TASP1: variants seen among roughly 807,000 people sequenced by gnomAD.
TASP1 encodes taspase 1.
In TASP1, 16 loss-of-function variants were observed where a neutral mutation model predicts 56.6. That is an observed-to-expected ratio of 0.28 (90% confidence interval 0.19 to 0.43). TASP1 has a LOEUF of 0.43. Ranked by LOEUF, TASP1 falls within the 20% of genes least tolerant of loss-of-function variation. The probability of loss-of-function intolerance (pLI) is 1.00; values close to 1 mark genes in which losing one functional copy is unlikely to be tolerated. For synonymous variants in TASP1, 179 were observed against 184.2 expected, an observed-to-expected ratio of 0.97 and a Z score of 0.23; for missense variants, 393 against 511.6, an observed-to-expected ratio of 0.77 and a Z score of 2.24.
At chr20:13,359,094 C>T in the TASP1 span, among the ~76,000 whole-genome samples, 15 of 148,362 alleles carry the variant, frequency 1.0e-4, no homozygotes, top group Non-Finnish European at 2.1e-4. Flanking sequence ...AACCTCTTAT[C>T]TCTGCACCCC....
Position 13,630,090 on chromosome 20 carries a change from A to T in TASP1, c.-12T>A. The T allele has an allele frequency of 3.1e-6, 5 of 1,609,982 alleles. No homozygotes were observed. Among genetic ancestry groups the T allele is most frequent in the Non-Finnish European group, 3.4e-6 (4 of 1,178,806 alleles). ...TTCTCCATGGTCATTCTCCAAGATT[A>T]CCATCTTCTACTGAGAAAGGGGCAT... On this transcript the variant is annotated 5_prime_UTR_variant, in exon 2 of 14. It removes the in-frame stop codon of an upstream open reading frame in the 5' UTR. Coordinates refer to ENST00000337743, the MANE Select transcript of TASP1 (RefSeq NM_017714.3).
At chr20:13,442,281 GACACAGACACAGAC>G (rs1338724876) in intron 11 of TASP1, among the ~76,000 whole-genome samples, 1 of 149,316 alleles carries the variant, frequency 6.7e-6, no homozygotes, top group African/African-American at 2.5e-5. Context: ...CAGACACACA[GACACAGACACAGAC>G]ACACACACAC....
chr20:13,140,348 C>T, the TASP1 span, among the ~76,000 whole-genome samples: 2 of 152,070 alleles, frequency 1.3e-5, no homozygotes, highest in Admixed American at 1.3e-4. Flanking sequence ...CTTTTGGGAC[C>T]ATAGACGAAA....
At chr20:13,495,660 A>G (rs538032815) in intron 10 of TASP1, among the ~76,000 whole-genome samples, 2 of 152,314 alleles carry the variant, frequency 1.3e-5, no homozygotes, top group East Asian at 3.9e-4. Context: ...CAAAAGACAA[A>G]TAGACAATAT....
the TASP1 span, chr20:13,298,958 G>A: frequency 1.2e-6 from 2 of 1,613,530 alleles, no homozygotes; most frequent in Non-Finnish European, 8.5e-7. Flanking sequence ...ACAGCTGTGA[G>A]CGCTGGATGA....
intron 2 of TASP1, 37 bp downstream of exon 2, chr20:13,629,897 C>T (rs370134167): frequency 2.9e-5 from 47 of 1,609,464 alleles, no homozygotes; most frequent in Non-Finnish European, 3.7e-5. Flanking sequence ...GAAAAATCAA[C>T]ATTATTGGCA....
chr20:13,603,767 C>T (rs1261383611), intron 4 of TASP1, among the ~76,000 whole-genome samples: 1 of 152,180 alleles, frequency 6.6e-6, no homozygotes, highest in African/African-American at 2.4e-5. Context: ...TAAAATGTCT[C>T]TTATTGATCA....
chr20:13,201,729 A>C, the TASP1 span, among the ~76,000 whole-genome samples: 1 of 152,008 alleles, frequency 6.6e-6, no homozygotes, highest in African/African-American at 2.4e-5. Flanking sequence ...AAGCAGTAAA[A>C]AATTGTGGGC....
the TASP1 span, among the ~76,000 whole-genome samples, chr20:13,215,201 T>C: frequency 6.6e-6 from 1 of 152,214 alleles, no homozygotes; most frequent in Non-Finnish European, 1.5e-5. Flanking sequence ...CAAGTCCCTG[T>C]GCAATATTGA....
the TASP1 span, among the ~76,000 whole-genome samples, chr20:13,343,364 C>G: frequency 1.3e-5 from 2 of 152,240 alleles, no homozygotes. Flanking sequence ...CCTCATTCTC[C>G]AGGTACTTGG....
intron 2 of TASP1, among the ~76,000 whole-genome samples, chr20:13,627,749 A>AAAAAAAAAAAAAAT: frequency 6.6e-6 from 1 of 151,346 alleles, no homozygotes; most frequent in East Asian, 1.9e-4. Flanking sequence ...AAAAAAAAAA[A>AAAAAAAAAAAAAAT]GTTGAGCCAT....
chr20:13,193,716 C>CTCTTT, the TASP1 span, among the ~76,000 whole-genome samples: 1 of 152,194 alleles, frequency 6.6e-6, no homozygotes, highest in African/African-American at 2.4e-5. Flanking sequence ...GACTACCTCT[C>CTCTTT]TCTTTTCATT....
chr20:13,441,460 C>T (rs1386570149), intron 11 of TASP1, among the ~76,000 whole-genome samples: 1 of 152,134 alleles, frequency 6.6e-6, no homozygotes, highest in Non-Finnish European at 1.5e-5. Context: ...GGGGCTGAGC[C>T]TTGTCTACAT....
the TASP1 span, among the ~76,000 whole-genome samples, chr20:13,272,535 G>A: frequency 6.6e-6 from 1 of 152,188 alleles, no homozygotes; most frequent in Non-Finnish European, 1.5e-5. Flanking sequence ...GATCTCAATA[G>A]GTGGAAAGAA....
intron 4 of TASP1, among the ~76,000 whole-genome samples, chr20:13,599,835 C>T (rs934271993): frequency 2.0e-5 from 3 of 149,832 alleles, no homozygotes; most frequent in Non-Finnish European, 4.4e-5. Flanking sequence ...TAGAAGGGAA[C>T]TTTCTCAACC....
In TASP1 at chr20:13,569,596, GA is replaced by G; in HGVS notation, c.489-11del. On this transcript the variant is annotated splice_polypyrimidine_tract_variant and intron_variant, in intron 6 of 13. Coordinates refer to ENST00000337743, the MANE Select transcript of TASP1 (RefSeq NM_017714.3). The stretch of plus-strand genomic sequence containing the variant: ...TTCTCCAACTAAAAAGCTAACAACA[GA>G]AAAATTATTTTTAAAATTCACAGTG... The G allele has an allele frequency of 6.2e-7, 1 of 1,608,540 alleles. No homozygotes were observed. The highest frequency in any genetic ancestry group is 8.5e-7 in the Non-Finnish European group (1 of 1,177,756).
At position 13,635,892 on chromosome 20, in the gene TASP1, C is replaced by A. The variant is rs960047641; in HGVS notation, c.-75+3002G>T. Among the ~76,000 whole-genome samples, 5 of 152,264 alleles carry A rather than the reference C, an allele frequency of 3.3e-5. No homozygotes were observed. The East Asian group carries it at 9.6e-4, about 29-fold the overall frequency. On this transcript the variant is annotated intron_variant, in intron 1 of 13. Coordinates refer to ENST00000337743, the MANE Select transcript of TASP1 (RefSeq NM_017714.3). ...ATTTAAGGTCTAAATCTTGCCTCAT[C>A]TCTCTAAAAGATGGTTTTATTTTCC...
chr20:13,454,100 G>C (rs752997922), intron 11 of TASP1, among the ~76,000 whole-genome samples: 11 of 151,710 alleles, frequency 7.3e-5, no homozygotes, highest in African/African-American at 2.7e-4. Context: ...TCCTGAGCAA[G>C]AAAGTGACCT....
the TASP1 span, chr20:13,159,883 T>C: frequency 7.5e-7 from 1 of 1,329,704 alleles, no homozygotes; most frequent in East Asian, 2.5e-5. Context: ...CCACTTATTA[T>C]CATAAAAAAG....
Sources: allele counts gnomAD v4.1 joint callset (sites outside exome capture counted in the v4.1 genomes callset), GRCh38; gene constraint gnomAD v4.1.1; transcripts MANE v1.5; gene names NCBI Gene and HGNC (gene_info 2026-07-23, HGNC 2026-07-21).